CNTNAP2: variants seen among roughly 807,000 people sequenced by gnomAD.
The protein encoded by CNTNAP2 is contactin-associated protein-like 2.
In CNTNAP2, 98 loss-of-function variants were observed where a neutral mutation model predicts 155.2. The observed-to-expected ratio is 0.63, with a 90% confidence interval of 0.54 to 0.75. The LOEUF (loss-of-function observed/expected upper bound fraction) is 0.75, where lower values mean the gene tolerates loss of function less well. Among genes scored for constraint, CNTNAP2 ranks in the 30% least tolerant of loss-of-function variants. The pLI is 0.00. For synonymous variants in CNTNAP2, 651 were observed against 631.2 expected (o/e 1.03, Z -0.47); for missense variants, 1,727 against 1,688.1 (o/e 1.02, Z -0.40).
chr7:146,921,615 C>T (rs1244200447), intron 3 of CNTNAP2, among the ~76,000 whole-genome samples: 5 of 152,030 alleles, frequency 3.3e-5, no homozygotes, highest in South Asian at 2.1e-4. Context: ...GGGGGAATTC[C>T]CATTTATTAA....
intron 14 of CNTNAP2, among the ~76,000 whole-genome samples, chr7:147,906,172 T>C (rs1799954319): frequency 6.6e-6 from 1 of 151,958 alleles, no homozygotes; most frequent in African/African-American, 2.4e-5. Context: ...GGGCTACCAT[T>C]AGTAGAATTA....
At chr7:147,405,572 T>C (rs1363468619) in intron 10 of CNTNAP2, among the ~76,000 whole-genome samples, 1 of 152,222 alleles carries the variant, frequency 6.6e-6, no homozygotes, top group Non-Finnish European at 1.5e-5. Flanking sequence ...TGTTCATTCC[T>C]GAAAATGCAT....
intron 10 of CNTNAP2, among the ~76,000 whole-genome samples, chr7:147,448,919 G>A (rs1234063533): frequency 6.6e-6 from 1 of 151,900 alleles, no homozygotes; most frequent in Non-Finnish European, 1.5e-5. Flanking sequence ...ATATACATAA[G>A]GCCTCAATAA....
chr7:146,675,564 T>A (rs1452573104), intron 1 of CNTNAP2, among the ~76,000 whole-genome samples: 1 of 152,202 alleles, frequency 6.6e-6, no homozygotes, highest in South Asian at 2.1e-4. Flanking sequence ...AAATAAGTAT[T>A]CAGTATGTTT....
At chr7:146,151,867 TA>T (rs1466945469) in intron 1 of CNTNAP2, among the ~76,000 whole-genome samples, 2 of 150,728 alleles carry the variant, frequency 1.3e-5, no homozygotes, top group Admixed American at 6.7e-5. Flanking sequence ...CAAAAGATAA[TA>T]AGTCTTGGCA....
At chr7:146,481,354 T>C (rs1796958099) in intron 1 of CNTNAP2, among the ~76,000 whole-genome samples, 1 of 152,238 alleles carries the variant, frequency 6.6e-6, no homozygotes, top group Non-Finnish European at 1.5e-5. Context: ...GCATACTGGC[T>C]CTAGAAACAG....
At chr7:146,740,541 T>C (rs751863024) in intron 1 of CNTNAP2, among the ~76,000 whole-genome samples, 26 of 152,210 alleles carry the variant, frequency 1.7e-4, no homozygotes, top group Admixed American at 3.3e-4. Flanking sequence ...TCAAAGCCTG[T>C]GCATGGGAAG....
chr7:147,008,301 A>G (rs1406831938), intron 3 of CNTNAP2, among the ~76,000 whole-genome samples: 1 of 152,126 alleles, frequency 6.6e-6, no homozygotes, highest in East Asian at 1.9e-4. Flanking sequence ...TTTCTAATAT[A>G]TAAGGAGAGA....
At chr7:146,879,682 C>A (rs773600386) in intron 3 of CNTNAP2, among the ~76,000 whole-genome samples, 1 of 152,036 alleles carries the variant, frequency 6.6e-6, no homozygotes, top group African/African-American at 2.4e-5. Context: ...GAGCTGAGAG[C>A]CTTCTCCCAA....
rs549400476 is a variant in CNTNAP2, at chr7:147,505,562, G to A, written c.1777+19521G>A. On this transcript the variant is annotated intron_variant, in intron 11 of 23. Coordinates refer to ENST00000361727, the MANE Select transcript of CNTNAP2 (RefSeq NM_014141.6). The stretch of plus-strand genomic sequence containing the variant: ...TTATCAGCACTTAGTTGTAAATCTG[G>A]GAGAATTTAAGGGACAGAAACAATG... Among the ~76,000 whole-genome samples, 58 of 152,274 alleles carry A rather than the reference G, an allele frequency of 3.8e-4. 1 individual carries two copies. The highest frequency in any genetic ancestry group is 1.3e-3 in the African/African-American group (56 of 41,554).
At chr7:148,308,789 ATTG>A (rs1208759683) in intron 21 of CNTNAP2, among the ~76,000 whole-genome samples, 1 of 133,086 alleles carries the variant, frequency 7.5e-6, no homozygotes, top group Non-Finnish European at 1.5e-5. Context: ...ATGTGTTCTC[ATTG>A]TTCAGCTCCC....
At chr7:147,934,336 G>A (rs981457575) in intron 14 of CNTNAP2, among the ~76,000 whole-genome samples, 4 of 152,188 alleles carry the variant, frequency 2.6e-5, no homozygotes, top group Non-Finnish European at 4.4e-5. Flanking sequence ...CAGAAGGCAA[G>A]GAAGAGCAAG....
chr7:146,959,659 G>A (rs1584749758), intron 3 of CNTNAP2, among the ~76,000 whole-genome samples: 1 of 147,984 alleles, frequency 6.8e-6, no homozygotes, highest in East Asian at 2.0e-4. Context: ...GGTAGTGGTT[G>A]CAGTGAGCTG....
intron 4 of CNTNAP2, among the ~76,000 whole-genome samples, chr7:147,049,911 C>T (rs112758087): frequency 2.3e-4 from 35 of 152,308 alleles, no homozygotes; most frequent in African/African-American, 6.0e-4. Flanking sequence ...CTTCTCAAGG[C>T]TGAAATAAGA....
At chr7:148,352,077 T>C (rs563534719) in intron 21 of CNTNAP2, among the ~76,000 whole-genome samples, 2 of 152,214 alleles carry the variant, frequency 1.3e-5, no homozygotes, top group East Asian at 1.9e-4. Context: ...ATCAGATAAG[T>C]GTGTGGTAGG....
intron 3 of CNTNAP2, among the ~76,000 whole-genome samples, chr7:146,923,414 C>T (rs1796543238): frequency 6.6e-6 from 1 of 152,168 alleles, no homozygotes; most frequent in African/African-American, 2.4e-5. Flanking sequence ...AGAAATTGAT[C>T]TTCCTGACAG....
rs377622824 is a variant in CNTNAP2 at position 147,249,403 on chromosome 7, G to A, written c.1349-50738G>A. On this transcript the variant is annotated intron_variant, in intron 8 of 23. Coordinates refer to ENST00000361727, the MANE Select transcript of CNTNAP2 (RefSeq NM_014141.6). The stretch of plus-strand genomic sequence containing the variant: ...TACTACCAATACATTCTATTCCCCC[G>A]AAAGACATTCAAACCATAATTCTCT... Among the ~76,000 whole-genome samples the A allele has an allele frequency of 1.1e-3, 164 of 151,906 alleles. 1 individual carries two copies. The highest frequency in any genetic ancestry group is 3.7e-3 in the African/African-American group (155 of 41,438).
chr7:146,681,987 T>C (rs1273061031), intron 1 of CNTNAP2, among the ~76,000 whole-genome samples: 1 of 113,618 alleles, frequency 8.8e-6, no homozygotes, highest in Non-Finnish European at 2.0e-5. Flanking sequence ...CATATAAAGT[T>C]CTCTCAGGTC....
intron 13 of CNTNAP2, among the ~76,000 whole-genome samples, chr7:147,756,577 G>A (rs553428342): frequency 1.3e-5 from 2 of 152,262 alleles, no homozygotes; most frequent in South Asian, 4.1e-4. Context: ...GCTGAGAAGT[G>A]AGTGAATTAA....
Sources: allele counts gnomAD v4.1 joint callset (sites outside exome capture counted in the v4.1 genomes callset), GRCh38; gene constraint gnomAD v4.1.1; transcripts MANE v1.5; gene names NCBI Gene and HGNC (gene_info 2026-07-23, HGNC 2026-07-21).